The following FBXO40 variants were observed in gnomAD, a reference collection of about 807,000 sequenced individuals.
FBXO40 encodes F-box protein 40.
Under a neutral mutation model 49.9 loss-of-function variants are expected in FBXO40, and 50 were observed. The ratio of observed to expected loss-of-function variants is 1.00; its 90% CI spans 0.80 to 1.27. The LOEUF (loss-of-function observed/expected upper bound fraction) is 1.27. Among genes scored for constraint, FBXO40 ranks in the 50% most tolerant of loss-of-function variants. The probability of loss-of-function intolerance (pLI) is 0.00; values close to 1 mark genes in which losing one functional copy is unlikely to be tolerated. For synonymous variants in FBXO40, 340 were observed against 320.2 expected, an observed-to-expected ratio of 1.06 and a Z score of -0.66; for missense variants, 895 against 870.1, an observed-to-expected ratio of 1.03 and a Z score of -0.36.
In FBXO40 at chr3:121,622,212, G is replaced by T. The variant is rs768432931; in HGVS notation, c.783G>T (p.Glu261Asp). The change falls in exon 3 of 4, where the codon GAG (glutamate) becomes GAT (aspartate). Residue 261 changes from glutamate to aspartate, a missense_variant. Coordinates refer to ENST00000338040, the MANE Select transcript of FBXO40 (RefSeq NM_016298.4). ...GTGGCCATAACATGGTAGAAGGAGA[G>T]GGCGCTCCCAAAAAGAAAGAACCAC... ...ISSGHNMVEGEGAPKKKEPQE... is the reference protein window; with the variant it reads ...ISSGHNMVEGDGAPKKKEPQE... 1 of 1,613,990 alleles carries T rather than the reference G, an allele frequency of 6.2e-7. No individual in the cohort carries two copies. The highest frequency in any genetic ancestry group is 8.5e-7 in the Non-Finnish European group (1 of 1,179,968).
chr3:121,593,943 G>A (rs554867237), intron 1 of FBXO40, among the ~76,000 whole-genome samples: 1 of 152,072 alleles, frequency 6.6e-6, no homozygotes, highest in Non-Finnish European at 1.5e-5. Flanking sequence ...TTGGCTCACT[G>A]CAGCCCCTAC....
At chr3:121,620,427 A>G (rs1372209919) in intron 1 of FBXO40, 119 bp from the exon 2 acceptor site, 6 of 848,408 alleles carry the variant, frequency 7.1e-6, no homozygotes, top group Non-Finnish European at 1.1e-5. Flanking sequence ...AGATAAAGAC[A>G]CCTCCAGGAT....
chr3:121,608,558 G>A (rs1262995168), intron 1 of FBXO40, among the ~76,000 whole-genome samples: 1 of 152,192 alleles, frequency 6.6e-6, no homozygotes, highest in Non-Finnish European at 1.5e-5. Flanking sequence ...GGTTTACTTG[G>A]AGAACTTCAA....
At chr3:121,601,208 TC>T (rs2048899591) in intron 1 of FBXO40, among the ~76,000 whole-genome samples, 1 of 151,856 alleles carries the variant, frequency 6.6e-6, no homozygotes, top group Admixed American at 6.6e-5. Context: ...GAGAACAATT[TC>T]CCCCCCATAC....
intron 2 of FBXO40, 135 bp from the exon 3 acceptor site, chr3:121,621,298 T>A: frequency 1.4e-6 from 1 of 708,694 alleles, no homozygotes; most frequent in South Asian, 2.1e-5. Context: ...GATTGTGATA[T>A]TCCATATATT....
intron 1 of FBXO40, among the ~76,000 whole-genome samples, chr3:121,604,284 C>A (rs1254444020): frequency 6.6e-6 from 1 of 152,136 alleles, no homozygotes; most frequent in Non-Finnish European, 1.5e-5. Flanking sequence ...GTTTGTAGGT[C>A]ACTCATAAGT....
chr3:121,616,121 T>A (rs939160602), intron 1 of FBXO40, among the ~76,000 whole-genome samples: 2 of 152,206 alleles, frequency 1.3e-5, no homozygotes, highest in Non-Finnish European at 2.9e-5. Flanking sequence ...TTCTCTGGCT[T>A]TAACACCTTT....
intron 1 of FBXO40, among the ~76,000 whole-genome samples, chr3:121,611,940 G>T (rs536898510): frequency 2.6e-5 from 4 of 152,294 alleles, no homozygotes; most frequent in Admixed American, 2.0e-4. Context: ...ATGTTTTTGT[G>T]AGCTCCAGGT....
At position 121,627,701 on chromosome 3, in the gene FBXO40, GA is replaced by G. The variant is rs1426968702; in HGVS notation, c.*792del. 1 of 394,326 alleles carries G rather than the reference GA, an allele frequency of 2.5e-6. No individual in the cohort carries two copies. The highest frequency in any genetic ancestry group is 4.5e-6 in the Non-Finnish European group (1 of 224,556). 24.4% of individuals were successfully genotyped at this position (394,326 alleles called of 1,614,324 possible). ...ATTTTAATAATGACTTAAGGGTCAA[GA>G]TTTTTTTCTTCTGAAAATTATGTTC... On this transcript the variant is annotated 3_prime_UTR_variant, in exon 4 of 4. Coordinates refer to ENST00000338040, the MANE Select transcript of FBXO40 (RefSeq NM_016298.4).
rs11711114 is a variant in FBXO40 at position 121,611,376 on chromosome 3, T to A, written c.-30-9170T>A. Among the ~76,000 whole-genome samples, 2,152 of 152,266 alleles carry A rather than the reference T, an allele frequency of 0.014. 95 individuals carry two copies. In the East Asian group the frequency reaches 0.17, roughly 12 times the overall value. ...AGGTCAGCAACAAACATGTGAGCAA[T>A]AGAATCTATGTCATAATGAAGTTCA... On this transcript the variant is annotated intron_variant, in intron 1 of 3. Coordinates refer to ENST00000338040, the MANE Select transcript of FBXO40 (RefSeq NM_016298.4).
chr3:121,615,332 A>G (rs1286863333), intron 1 of FBXO40, among the ~76,000 whole-genome samples: 3 of 152,036 alleles, frequency 2.0e-5, no homozygotes, highest in African/African-American at 7.2e-5. Context: ...CGAGGCAGGC[A>G]GATTCCTTGA....
chr3:121,621,345 T>C, intron 2 of FBXO40, 88 bp from the exon 3 acceptor site: 1 of 1,182,218 alleles, frequency 8.5e-7, no homozygotes, highest in Non-Finnish European at 1.2e-6. Flanking sequence ...AAACAGGAAA[T>C]ATGTCAATTA....
chr3:121,624,543 C>T (rs2049051669), intron 3 of FBXO40, among the ~76,000 whole-genome samples: 1 of 152,152 alleles, frequency 6.6e-6, no homozygotes. Context: ...TCAGCTGGCT[C>T]CCTTACCCTC....
intron 1 of FBXO40, among the ~76,000 whole-genome samples, chr3:121,617,901 G>A (rs181460294): frequency 6.6e-6 from 1 of 152,222 alleles, no homozygotes; most frequent in Non-Finnish European, 1.5e-5. Context: ...TTGGGAAGCT[G>A]AGGCAGAAGA....
At chr3:121,618,938 G>A (rs2049014610) in intron 1 of FBXO40, among the ~76,000 whole-genome samples, 1 of 150,838 alleles carries the variant, frequency 6.6e-6, no homozygotes, top group Non-Finnish European at 1.5e-5. Flanking sequence ...TTTTAAGTTG[G>A]GGGAAATTTT....
chr3:121,610,978 C>T (rs928622366), intron 1 of FBXO40, among the ~76,000 whole-genome samples: 68 of 152,208 alleles, frequency 4.5e-4, no homozygotes, highest in African/African-American at 1.2e-3. Flanking sequence ...AGATGTCATG[C>T]CCCTGGTTGC....
rs2049086470 is a variant in FBXO40 at position 121,630,249 on chromosome 3, C to G, written c.*3339C>G. On this transcript the variant is annotated 3_prime_UTR_variant, in exon 4 of 4. Coordinates refer to ENST00000338040, the MANE Select transcript of FBXO40 (RefSeq NM_016298.4). ...TGACTGACCTCTGTATACTAGAAAC[C>G]TCAACATCTCTAGAAGAGGAAATAA... The G allele has an allele frequency of 6.6e-6, 1 of 152,112 alleles. No individual in the cohort carries two copies. The highest frequency in any genetic ancestry group is 1.5e-5 in the Non-Finnish European group (1 of 68,030). The allele number at this position is 152,112 out of a possible 1,614,324, so 9.4% of individuals were successfully genotyped here.
At chr3:121,618,688 G>A (rs1056093115) in intron 1 of FBXO40, among the ~76,000 whole-genome samples, 1 of 151,782 alleles carries the variant, frequency 6.6e-6, no homozygotes, top group Non-Finnish European at 1.5e-5. Flanking sequence ...GAGCCACCGC[G>A]CCTGGCTGGC....
chr3:121,626,977 T>A lies in FBXO40; in HGVS notation c.*67T>A. Reference sequence around the variant, plus strand: ...TCGGAGTTCCTGAAGTAGGACAGAGTGTGTGGTTTTGAGGACTCCCTTCTG... The same window carrying A: ...TCGGAGTTCCTGAAGTAGGACAGAGAGTGTGGTTTTGAGGACTCCCTTCTG... On this transcript the variant is annotated 3_prime_UTR_variant, in exon 4 of 4. Coordinates refer to ENST00000338040, the MANE Select transcript of FBXO40 (RefSeq NM_016298.4). 4 of 1,503,390 alleles carry A rather than the reference T, an allele frequency of 2.7e-6. No homozygotes were observed. The highest frequency in any genetic ancestry group is 3.7e-6 in the Non-Finnish European group (4 of 1,088,068). The allele number at this position is 1,503,390 out of a possible 1,614,324, so 93.1% of individuals were successfully genotyped here.
Sources: allele counts gnomAD v4.1 joint callset (sites outside exome capture counted in the v4.1 genomes callset), GRCh38; gene constraint gnomAD v4.1.1; transcripts MANE v1.5; gene names NCBI Gene and HGNC (gene_info 2026-07-23, HGNC 2026-07-21).